The following PANX1 variants were observed in gnomAD, a reference collection of about 807,000 sequenced individuals.
PANX1 encodes pannexin-1.
In PANX1, 30 loss-of-function variants were observed where a neutral mutation model predicts 38.7. That is an observed-to-expected ratio of 0.78 (90% confidence interval 0.58 to 1.05). The LOEUF (loss-of-function observed/expected upper bound fraction) is 1.05. Among genes scored for constraint, PANX1 ranks in the 50% least tolerant of loss-of-function variants. The probability of loss-of-function intolerance (pLI) is 0.00; values close to 1 mark genes in which losing one functional copy is unlikely to be tolerated. For missense variants in PANX1, 551 were observed against 517.2 expected (o/e 1.07, Z -0.63); for synonymous variants, 230 against 212.2 (o/e 1.08, Z -0.73).
At position 94,163,044 on chromosome 11, in the gene PANX1, TG is replaced by T. The variant is rs572932931; in HGVS notation, c.321+9415del. 3.2e-3 allele frequency among the ~76,000 whole-genome samples: 482 copies of T among 152,208 alleles called. 4 individuals are homozygous for T. Among genetic ancestry groups the T allele is most frequent in the African/African-American group, 0.011 (458 of 41,520 alleles). On this transcript the variant is annotated intron_variant, in intron 2 of 4. Transcript: ENST00000227638. ...TGCACCACTGCATGTGGCTAATTTT[TG>T]TTATTTTTTGTAGAAATGGTCTCAA...
In PANX1 at chr11:94,178,483, C is replaced by T; in HGVS notation, c.436C>T (p.Leu146Phe). 6.2e-7 allele frequency: 1 copy of T among 1,614,124 alleles called. No individual in the cohort carries two copies. Among genetic ancestry groups the T allele is most frequent in the Non-Finnish European group, 8.5e-7 (1 of 1,179,986 alleles). The change falls in exon 3 of 5, where the codon CTT (leucine) becomes TTT (phenylalanine). Residue 146 changes from leucine to phenylalanine, a missense_variant. Coordinates refer to ENST00000227638, the MANE Select transcript of PANX1 (RefSeq NM_015368.4). ...CSDLKFIMEELDKVYNRAIKA... is the reference protein window; with the variant it reads ...CSDLKFIMEEFDKVYNRAIKA... ...AGACTTGAAGTTTATCATGGAAGAACTTGACAAAGTTTACAACCGTGCAAT... is the reference window on the plus strand; with the variant it reads ...AGACTTGAAGTTTATCATGGAAGAATTTGACAAAGTTTACAACCGTGCAAT...
At position 94,164,948 on chromosome 11, in the gene PANX1, C is replaced by T. The variant is rs117148635; in HGVS notation, c.321+11318C>T. 2.7e-3 allele frequency among the ~76,000 whole-genome samples: 417 copies of T among 152,206 alleles called. 16 individuals are homozygous for T. The East Asian group carries it at 0.072, about 26-fold the overall frequency. On this transcript the variant is annotated intron_variant, in intron 2 of 4. Coordinates refer to ENST00000227638, the MANE Select transcript of PANX1 (RefSeq NM_015368.4). ...TAATGACTTACTTTTTATCTTTTTA[C>T]AGTTTCTGTATTGAGATTTATTTTA...
chr11:94,129,054 CGGGGTGGAACCGCAGGAAGCG>C lies in PANX1; in HGVS notation c.-257_-237del. ...CGGCCCGGGGACTTGCACGGGCGTG[CGGGGTGGAACCGCAGGAAGCG>C]GAGCTCTCGGGTTCCCGCCCCGCCC... On this transcript the variant is annotated 5_prime_UTR_variant, in exon 1 of 5. Coordinates refer to ENST00000227638, the MANE Select transcript of PANX1 (RefSeq NM_015368.4). 1 of 350,900 alleles carries C rather than the reference CGGGGTGGAACCGCAGGAAGCG, an allele frequency of 2.8e-6. No individual in the cohort carries two copies. 21.7% of individuals were successfully genotyped at this position (350,900 alleles called of 1,614,324 possible).
At chr11:94,153,069 C>G (rs1409291404) in intron 1 of PANX1, among the ~76,000 whole-genome samples, 1 of 152,126 alleles carries the variant, frequency 6.6e-6, no homozygotes, top group East Asian at 1.9e-4. Flanking sequence ...CTTCTTTGTT[C>G]TAAAAGAACT....
intron 2 of PANX1, among the ~76,000 whole-genome samples, chr11:94,162,328 A>G (rs1435789470): frequency 6.6e-6 from 1 of 152,174 alleles, no homozygotes; most frequent in Non-Finnish European, 1.5e-5. Context: ...TGGAGTCTAC[A>G]GAGGCAGGCA....
chr11:94,158,046 A>G (rs986065268), intron 2 of PANX1, among the ~76,000 whole-genome samples: 23 of 152,216 alleles, frequency 1.5e-4, no homozygotes, highest in African/African-American at 5.1e-4. Context: ...CAAATATCAG[A>G]TGGTTGTAGA....
intron 2 of PANX1, 149 bp from the exon 3 acceptor site, chr11:94,178,220 T>C: frequency 1.6e-6 from 1 of 634,364 alleles, no homozygotes; most frequent in Non-Finnish European, 2.8e-6. Flanking sequence ...CAGGGGAATT[T>C]AGCCATAAGA....
intron 2 of PANX1, among the ~76,000 whole-genome samples, chr11:94,176,122 A>G (rs903227622): frequency 6.6e-5 from 10 of 151,860 alleles, no homozygotes; most frequent in African/African-American, 2.4e-4. Flanking sequence ...TTTGTCACCC[A>G]CAGAAAATCA....
At chr11:94,132,068 C>A (rs71482705) in intron 1 of PANX1, among the ~76,000 whole-genome samples, 3,067 of 152,264 alleles carry the variant, frequency 0.02, 45 homozygotes, top group Middle Eastern at 0.068. Context: ...TAACACAGAG[C>A]TTTATAACCT....
At chr11:94,176,261 A>G (rs941211806) in intron 2 of PANX1, among the ~76,000 whole-genome samples, 3 of 151,626 alleles carry the variant, frequency 2.0e-5, no homozygotes, top group Non-Finnish European at 2.9e-5. Context: ...TGGTAACTGT[A>G]TATCAGTGCT....
rs545399079 is a variant in PANX1 at position 94,181,015 on chromosome 11, A to G, written c.*146A>G. 123 of 615,500 alleles carry G rather than the reference A, an allele frequency of 2.0e-4. No individual in the cohort carries two copies. The highest frequency in any genetic ancestry group is 3.4e-4 in the Non-Finnish European group (115 of 341,954). 38.1% of individuals were successfully genotyped at this position (615,500 alleles called of 1,614,324 possible). On this transcript the variant is annotated 3_prime_UTR_variant, in exon 5 of 5. Transcript: ENST00000227638. The stretch of plus-strand genomic sequence containing the variant: ...GCATGTCTTATTGAGTCCCTAATGG[A>G]AATGGTGATCAACAAAAGGTTATGG...
chr11:94,129,499 C>T lies in PANX1; in HGVS notation c.181+6C>T, dbSNP rs539844723. 1.2e-6 allele frequency: 2 copies of T among 1,604,404 alleles called. No homozygotes were observed. The highest frequency in any genetic ancestry group is 1.3e-5 in the African/African-American group (1 of 74,596). On this transcript the variant is annotated splice_donor_region_variant and intron_variant, in intron 1 of 4. Transcript: ENST00000227638. ...CGCGCAGGAGATCTCGATTGGTAAGCCTCGCCCAGGACGGAGGGGAGTGGC... is the reference window on the plus strand; with the variant it reads ...CGCGCAGGAGATCTCGATTGGTAAGTCTCGCCCAGGACGGAGGGGAGTGGC...
intron 1 of PANX1, among the ~76,000 whole-genome samples, chr11:94,134,327 G>T (rs977387998): frequency 2.6e-5 from 4 of 152,044 alleles, no homozygotes; most frequent in South Asian, 4.1e-4. Flanking sequence ...TTTCATTGAT[G>T]GGGGGAGAGG....
At chr11:94,178,231 A>G in intron 2 of PANX1, 138 bp from the exon 3 acceptor site, 1 of 651,674 alleles carries the variant, frequency 1.5e-6, no homozygotes, top group Non-Finnish European at 2.7e-6. Context: ...AGCCATAAGA[A>G]GTAGTTATTA....
In PANX1 at chr11:94,162,159, G is replaced by A. The variant is rs185625491; in HGVS notation, c.321+8529G>A. Among the ~76,000 whole-genome samples the A allele has an allele frequency of 3.3e-3, 501 of 152,262 alleles. 2 individuals are homozygous for A. The highest frequency in any genetic ancestry group is 0.014 in the Middle Eastern group (4 of 294). On this transcript the variant is annotated intron_variant, in intron 2 of 4. Transcript: ENST00000227638. The stretch of plus-strand genomic sequence containing the variant: ...GGGGTGCCTCCCAGTTAGGCTGCTC[G>A]GGGGTCAGGGACCCACTTGAGGAGG...
intron 1 of PANX1, among the ~76,000 whole-genome samples, chr11:94,132,477 A>G (rs1946641220): frequency 6.6e-6 from 1 of 152,166 alleles, no homozygotes; most frequent in South Asian, 2.1e-4. Context: ...GTGAGACAAC[A>G]TGTGGCTGCT....
At chr11:94,171,008 T>A (rs1947160510) in intron 2 of PANX1, among the ~76,000 whole-genome samples, 1 of 151,702 alleles carries the variant, frequency 6.6e-6, no homozygotes, top group Admixed American at 6.5e-5. Context: ...AAAACTCAGT[T>A]CCTTAGCTGT....
At chr11:94,137,296 C>A (rs561991856) in intron 1 of PANX1, among the ~76,000 whole-genome samples, 11 of 152,238 alleles carry the variant, frequency 7.2e-5, no homozygotes, top group Non-Finnish European at 1.3e-4. Context: ...GAGCGAGACT[C>A]CTTCTCAAAA....
chr11:94,162,958 A>G (rs542733524), intron 2 of PANX1, among the ~76,000 whole-genome samples: 12 of 148,626 alleles, frequency 8.1e-5, no homozygotes, highest in Non-Finnish European at 1.0e-4. Flanking sequence ...TGCAGCCTCA[A>G]TCTCCTGGGT....
Sources: allele counts gnomAD v4.1 joint callset (sites outside exome capture counted in the v4.1 genomes callset), GRCh38; gene constraint gnomAD v4.1.1; transcripts MANE v1.5; gene names NCBI Gene and HGNC (gene_info 2026-07-23, HGNC 2026-07-21).